The following GPC6 variants were observed in gnomAD, a reference collection of about 807,000 sequenced individuals.
GPC6 encodes glypican 6, also known as glypican-6.
A neutral mutation model predicts 55.2 loss-of-function variants in GPC6; 14 were observed. The observed-to-expected ratio is 0.25, with a 90% CI of 0.17 to 0.40. The LOEUF (loss-of-function observed/expected upper bound fraction) is 0.40, where lower values mean the gene tolerates loss of function less well. GPC6 is among the 10% of genes least tolerant of loss of function. The pLI, the probability that GPC6 is intolerant of heterozygous loss-of-function variation, is 1.00. For synonymous variants in GPC6, 278 were observed against 259.6 expected (o/e 1.07, Z -0.68); for missense variants, 641 against 708.5 (o/e 0.90, Z 1.08).
intron 4 of GPC6, among the ~76,000 whole-genome samples, chr13:94,134,891 T>C (rs1376512397): frequency 6.6e-6 from 1 of 152,216 alleles, no homozygotes; most frequent in Non-Finnish European, 1.5e-5. Flanking sequence ...TTACTTCTTC[T>C]AAATCACATA....
At chr13:94,126,208 C>T (rs927547177) in intron 4 of GPC6, among the ~76,000 whole-genome samples, 6 of 151,802 alleles carry the variant, frequency 4.0e-5, no homozygotes, top group African/African-American at 1.5e-4. Flanking sequence ...AGCAAGATCC[C>T]ATCTCTACAA....
intron 4 of GPC6, among the ~76,000 whole-genome samples, chr13:94,217,023 T>A (rs1890246303): frequency 6.6e-6 from 1 of 152,168 alleles, no homozygotes. Context: ...GTATGTACCC[T>A]GCAGTGCCCC....
At position 94,170,243 on chromosome 13, in the gene GPC6, G is replaced by C. The variant is rs773347153; in HGVS notation, c.878-116106G>C. On this transcript the variant is annotated intron_variant, in intron 4 of 8. Transcript: ENST00000377047. ...AGCCTCTTTTTCTGATGCCAAGGAA[G>C]AGCAGATAAAAATCAACCTATGTTC... 1.8e-4 allele frequency among the ~76,000 whole-genome samples: 27 copies of C among 152,364 alleles called. No individual in the cohort carries two copies. The South Asian group carries it at 2.7e-3, about 15-fold the overall frequency.
intron 2 of GPC6, among the ~76,000 whole-genome samples, chr13:93,705,110 AAT>A (rs1253018040): frequency 4.6e-5 from 7 of 152,084 alleles, no homozygotes; most frequent in Admixed American, 1.3e-4. Flanking sequence ...TGGTACATAA[AAT>A]ATGAATCAGA....
At chr13:93,384,624 T>A (rs1210739406) in intron 1 of GPC6, among the ~76,000 whole-genome samples, 1 of 152,228 alleles carries the variant, frequency 6.6e-6, no homozygotes, top group Non-Finnish European at 1.5e-5. Context: ...TCTTTAAAAC[T>A]TGAACTGATT....
intron 3 of GPC6, among the ~76,000 whole-genome samples, chr13:93,925,742 T>G (rs1801224146): frequency 6.6e-6 from 1 of 152,196 alleles, no homozygotes; most frequent in Admixed American, 6.5e-5. Context: ...CTTCCTGATG[T>G]CTGAGGCCTC....
intron 2 of GPC6, among the ~76,000 whole-genome samples, chr13:93,599,412 A>G (rs891916421): frequency 6.6e-5 from 10 of 152,148 alleles, no homozygotes; most frequent in Admixed American, 5.2e-4. Context: ...AATAAAGCTG[A>G]TCAGGGAAGC....
At chr13:94,082,028 A>G (rs188484866) in intron 4 of GPC6, among the ~76,000 whole-genome samples, 43 of 151,930 alleles carry the variant, frequency 2.8e-4, no homozygotes, top group African/African-American at 1.0e-3. Flanking sequence ...TTTAGTAGAG[A>G]CGGGGTTTCA....
At chr13:94,133,279 A>AAC (rs1212182267) in intron 4 of GPC6, among the ~76,000 whole-genome samples, 16 of 151,628 alleles carry the variant, frequency 1.1e-4, no homozygotes, top group African/African-American at 3.9e-4. Flanking sequence ...AAAAAAAAAA[A>AAC]AAAAAAAAAA....
In GPC6 at chr13:93,355,040, T is replaced by C. The variant is rs900312043; in HGVS notation, c.160+127424T>C. 3.9e-5 allele frequency among the ~76,000 whole-genome samples: 6 copies of C among 152,334 alleles called. No individual in the cohort carries two copies. The East Asian group carries it at 7.7e-4, about 20-fold the overall frequency. ...ATGTTGCAGAAGCTATAAGGAGTCA[T>C]TGACTCCACCACCTGGCCTCAAGTT... On this transcript the variant is annotated intron_variant, in intron 1 of 8. Coordinates refer to ENST00000377047, the MANE Select transcript of GPC6 (RefSeq NM_005708.5).
chr13:93,327,535 A>G, intron 1 of GPC6, among the ~76,000 whole-genome samples: 1 of 152,160 alleles, frequency 6.6e-6, no homozygotes, highest in East Asian at 1.9e-4. Flanking sequence ...CTCATTAGGG[A>G]GACAATGGTT....
At chr13:93,409,880 A>C (rs1876431278) in intron 1 of GPC6, among the ~76,000 whole-genome samples, 1 of 152,342 alleles carries the variant, frequency 6.6e-6, no homozygotes, top group East Asian at 1.9e-4. Context: ...CCAGAAGTGT[A>C]AAAGAAAACA....
chr13:93,382,912 G>T (rs1168503416), intron 1 of GPC6, among the ~76,000 whole-genome samples: 1 of 151,950 alleles, frequency 6.6e-6, no homozygotes, highest in Non-Finnish European at 1.5e-5. Context: ...TACACACATA[G>T]TCCTTCACTC....
upstream of GPC6, among the ~76,000 whole-genome samples, chr13:93,225,055 C>T (rs560368871): frequency 2.0e-5 from 3 of 152,320 alleles, no homozygotes; most frequent in African/African-American, 7.2e-5. Flanking sequence ...TTTAAAACCA[C>T]ATATACTATG....
At chr13:94,030,740 T>G (rs118095984) in intron 4 of GPC6, among the ~76,000 whole-genome samples, 2,098 of 152,302 alleles carry the variant, frequency 0.014, 25 homozygotes, top group Middle Eastern at 0.068. Flanking sequence ...TGTCCCAGTT[T>G]GTACATCTTA....
intron 5 of GPC6, among the ~76,000 whole-genome samples, chr13:94,290,645 T>A (rs1212609518): frequency 6.6e-6 from 1 of 152,168 alleles, no homozygotes; most frequent in Non-Finnish European, 1.5e-5. Context: ...ATATTTATCA[T>A]TTTTTGTGGT....
intron 1 of GPC6, among the ~76,000 whole-genome samples, chr13:93,319,835 A>G (rs960009553): frequency 2.0e-5 from 3 of 151,954 alleles, no homozygotes; most frequent in Non-Finnish European, 4.4e-5. Flanking sequence ...ATACATATGT[A>G]TTTTTCTCCT....
At chr13:93,973,197 C>G (rs936764900) in intron 3 of GPC6, among the ~76,000 whole-genome samples, 1 of 152,154 alleles carries the variant, frequency 6.6e-6, no homozygotes, top group African/African-American at 2.4e-5. Context: ...ACCTATTGCT[C>G]TTTGGCTACA....
chr13:94,249,681 G>A (rs1891292739), intron 4 of GPC6, among the ~76,000 whole-genome samples: 1 of 152,110 alleles, frequency 6.6e-6, no homozygotes, highest in Admixed American at 6.6e-5. Flanking sequence ...CCCCATCATG[G>A]AAACCAGGCT....
Sources: gnomAD v4.1 joint callset for allele counts (sites outside exome capture counted in the v4.1 genomes callset) on GRCh38, gnomAD v4.1.1 for gene constraint, MANE v1.5 for transcripts, NCBI Gene and HGNC (gene_info 2026-07-23, HGNC 2026-07-21) for gene names.